The following SFI1 variants were observed in gnomAD, a reference collection of about 807,000 sequenced individuals.
SFI1 encodes SFI1 centrin binding protein.
A neutral mutation model predicts 207.5 loss-of-function variants in SFI1; 195 were observed. That is an observed-to-expected ratio of 0.94 (90% confidence interval 0.84 to 1.06). The LOEUF is 1.06. SFI1 is among the 50% of genes least tolerant of loss of function. SFI1 has a pLI of 0.00. For synonymous variants in SFI1, 630 were observed against 598.9 expected, an observed-to-expected ratio of 1.05 and a Z score of -0.76; for missense variants, 1,634 against 1,588.0, an observed-to-expected ratio of 1.03 and a Z score of -0.49.
intron 5 of SFI1, among the ~76,000 whole-genome samples, chr22:31,548,177 G>A (rs1258674705): frequency 3.3e-5 from 5 of 150,898 alleles, no homozygotes; most frequent in Non-Finnish European, 7.4e-5. Flanking sequence ...CCAAGACTGC[G>A]CCACTGCACT....
chr22:31,555,529 G>A (rs2061080672), intron 6 of SFI1, among the ~76,000 whole-genome samples: 1 of 152,152 alleles, frequency 6.6e-6, no homozygotes, highest in Non-Finnish European at 1.5e-5. Flanking sequence ...CAGTTGTCAC[G>A]TGCATCAGAA....
At chr22:31,528,464 G>T (rs2058148199) in intron 2 of SFI1, among the ~76,000 whole-genome samples, 1 of 152,126 alleles carries the variant, frequency 6.6e-6, no homozygotes, top group South Asian at 2.1e-4. Context: ...ACTCCAGGGG[G>T]TGCCCTCCAG....
chr22:31,511,358 A>G (rs972836953), intron 2 of SFI1, among the ~76,000 whole-genome samples: 2 of 151,894 alleles, frequency 1.3e-5, no homozygotes, highest in Non-Finnish European at 2.9e-5. Flanking sequence ...TGTTTACTAC[A>G]TGGTCCGCAG....
At chr22:31,617,175 G>A in intron 31 of SFI1, 97 bp downstream of exon 31, 1 of 1,308,590 alleles carries the variant, frequency 7.6e-7, no homozygotes, top group Non-Finnish European at 1.1e-6. Flanking sequence ...CCAGCTGCCA[G>A]GGTCCTGTAG....
At chr22:31,508,151 A>C in intron 1 of SFI1, 104 bp from the exon 2 acceptor site, 1 of 671,376 alleles carries the variant, frequency 1.5e-6, no homozygotes, top group Non-Finnish European at 2.7e-6. Context: ...TCTAGTGTTG[A>C]ATTAAGGAGA....
chr22:31,596,124 A>G (rs1297916548), intron 15 of SFI1, among the ~76,000 whole-genome samples: 3 of 152,260 alleles, frequency 2.0e-5, no homozygotes, highest in African/African-American at 7.2e-5. Flanking sequence ...GTGGTGGTGC[A>G]TGCTTATAAT....
At chr22:31,511,688 C>G (rs867303737) in intron 2 of SFI1, among the ~76,000 whole-genome samples, 2 of 151,980 alleles carry the variant, frequency 1.3e-5, no homozygotes, top group African/African-American at 4.8e-5. Flanking sequence ...GAGTCTTGCT[C>G]TGTTGCCCAG....
intron 4 of SFI1, among the ~76,000 whole-genome samples, chr22:31,535,703 A>C (rs2058931910): frequency 6.6e-6 from 1 of 151,878 alleles, no homozygotes; most frequent in Non-Finnish European, 1.5e-5. Flanking sequence ...GCTTATTTTT[A>C]TGTGAAATTA....
chr22:31,549,734 G>T (rs1159938764), intron 5 of SFI1, among the ~76,000 whole-genome samples: 6 of 152,040 alleles, frequency 3.9e-5, no homozygotes, highest in African/African-American at 1.4e-4. Flanking sequence ...TTCTTCCTCA[G>T]TGACACTTTA....
intron 4 of SFI1, among the ~76,000 whole-genome samples, chr22:31,534,509 G>A (rs2058794833): frequency 6.6e-6 from 1 of 151,676 alleles, no homozygotes; most frequent in Non-Finnish European, 1.5e-5. Flanking sequence ...ATTCTCTTTC[G>A]GGTAGGTCTG....
chr22:31,603,844 C>G, intron 18 of SFI1, 25 bp downstream of exon 18: 1 of 1,572,388 alleles, frequency 6.4e-7, no homozygotes, highest in East Asian at 2.4e-5. Flanking sequence ...CGAGGTGCCA[C>G]CCGTGTATGA....
intron 22 of SFI1, among the ~76,000 whole-genome samples, chr22:31,610,163 G>A (rs1229032188): frequency 6.6e-6 from 1 of 152,194 alleles, no homozygotes; most frequent in Non-Finnish European, 1.5e-5. Flanking sequence ...GGCAGGCCAA[G>A]GGTGGGACTG....
chr22:31,546,845 T>A lies in SFI1; in HGVS notation c.339-16T>A. On this transcript the variant is annotated splice_polypyrimidine_tract_variant and intron_variant, in intron 4 of 32. Coordinates refer to ENST00000400288, the MANE Select transcript of SFI1 (RefSeq NM_001007467.3). ...CAACATCATCATATATATATATGATTTTTTTTTTGCCGTAGATTTTACTAT... is the reference window on the plus strand; with the variant it reads ...CAACATCATCATATATATATATGATATTTTTTTTGCCGTAGATTTTACTAT... 2 of 1,485,298 alleles carry A rather than the reference T, an allele frequency of 1.3e-6. No individual in the cohort carries two copies. The highest frequency in any genetic ancestry group is 2.3e-5 in the East Asian group (1 of 43,586). The allele number at this position is 1,485,298 out of a possible 1,614,324, so 92.0% of individuals were successfully genotyped here.
At chr22:31,608,098 C>G in intron 22 of SFI1, 65 bp downstream of exon 22, 1 of 1,305,854 alleles carries the variant, frequency 7.7e-7, no homozygotes, top group Non-Finnish European at 1.1e-6. Flanking sequence ...GTGGAGATCC[C>G]TGTGGCCCGC....
At position 31,516,902 on chromosome 22, in the gene SFI1, C is replaced by T. The variant is rs1012787225; in HGVS notation, c.92+8526C>T. ...CTGGGAGGCGGAGGTTGCAGTGAGC[C>T]GAGATTGCGCCATTGCACTCCAGCC... is the stretch of plus-strand genomic sequence containing the variant. On this transcript the variant is annotated intron_variant, in intron 2 of 32. Coordinates refer to ENST00000400288, the MANE Select transcript of SFI1 (RefSeq NM_001007467.3). Among the ~76,000 whole-genome samples the T allele has an allele frequency of 1.1e-4, 16 of 151,602 alleles. No homozygotes were observed. The South Asian group carries it at 2.1e-3, about 20-fold the overall frequency.
At chr22:31,536,868 C>T (rs2059037691) in intron 4 of SFI1, among the ~76,000 whole-genome samples, 1 of 151,678 alleles carries the variant, frequency 6.6e-6, no homozygotes, top group Admixed American at 6.6e-5. Flanking sequence ...ATGGCTGAAA[C>T]AAATTGAGAT....
intron 3 of SFI1, chr22:31,530,520 C>T: frequency 5.0e-6 from 1 of 200,576 alleles, no homozygotes; most frequent in Non-Finnish European, 1.1e-5. Context: ...AAAAGACAAG[C>T]CACCTTTGTG....
Position 31,589,510 on chromosome 22 carries a change from T to G in SFI1, c.1477T>G (p.Trp493Gly). 8 of 1,614,030 alleles carry G rather than the reference T, an allele frequency of 5.0e-6. No individual in the cohort carries two copies. Among genetic ancestry groups the G allele is most frequent in the Non-Finnish European group, 6.8e-6 (8 of 1,180,030 alleles). Residue 493 changes from tryptophan to glycine, a missense_variant, in exon 15 of 33, where the codon TGG becomes GGG. Physicochemically the swap from Trp to Gly is radical, Grantham distance 184 (BLOSUM62 -2). Coordinates refer to ENST00000400288, the MANE Select transcript of SFI1 (RefSeq NM_001007467.3). ...QRALPAAFHT[W>G]NRLWRWRHQE... ...AGCCCTGCCTGCTGCCTTCCACACA[T>G]GGAACAGACTCTGGCGATGGCGCCA...
At chr22:31,564,958 C>T (rs1022703009) in intron 8 of SFI1, among the ~76,000 whole-genome samples, 3 of 150,670 alleles carry the variant, frequency 2.0e-5, no homozygotes, top group Non-Finnish European at 4.4e-5. Flanking sequence ...GGACTACAGG[C>T]GCCCGCCACA....
Sources: gnomAD v4.1 joint callset for allele counts (sites outside exome capture counted in the v4.1 genomes callset) on GRCh38, gnomAD v4.1.1 for gene constraint, MANE v1.5 for transcripts, NCBI Gene and HGNC (gene_info 2026-07-23, HGNC 2026-07-21) for gene names.